Variants in ZSCAN25 observed in about 807,000 individuals in gnomAD.
ZSCAN25 encodes zinc finger and SCAN domain containing 25, also known as zinc finger and SCAN domain-containing protein 25.
Under a neutral mutation model 38.7 loss-of-function variants are expected in ZSCAN25, and 27 were observed. The observed-to-expected ratio is 0.70, with a 90% CI of 0.51 to 0.96. ZSCAN25 has a LOEUF of 0.96. Ranked by LOEUF, ZSCAN25 falls within the 40% of genes least tolerant of loss-of-function variation. ZSCAN25 has a pLI of 0.00. For missense variants in ZSCAN25, 637 were observed against 705.9 expected, an observed-to-expected ratio of 0.90 and a Z score of 1.11; for synonymous variants, 273 against 277.7, an observed-to-expected ratio of 0.98 and a Z score of 0.17.
At chr7:99,705,651 T>A in the ZSCAN25 span, 1 of 1,598,758 alleles carries the variant, frequency 6.3e-7, no homozygotes, top group Admixed American at 1.7e-5. Flanking sequence ...AAGTAGAAAG[T>A]ATAGCATCAA....
the ZSCAN25 span, among the ~76,000 whole-genome samples, chr7:99,676,907 G>A: frequency 6.6e-6 from 1 of 152,082 alleles, no homozygotes; most frequent in Non-Finnish European, 1.5e-5. Context: ...CAGATGATCT[G>A]GTTGATTTGA....
the ZSCAN25 span, among the ~76,000 whole-genome samples, chr7:99,690,605 AAAC>A: frequency 3.3e-5 from 5 of 152,092 alleles, no homozygotes; most frequent in Non-Finnish European, 5.9e-5. Flanking sequence ...TACAAGAAAA[AAAC>A]AACCCCATCA....
At position 99,631,369 on chromosome 7, in the gene ZSCAN25, T is replaced by G. The variant is rs1045199000; in HGVS notation, c.*1349T>G. 1 of 985,310 alleles carries G rather than the reference T, an allele frequency of 1.0e-6. No individual in the cohort carries two copies. The highest frequency in any genetic ancestry group is 1.2e-6 in the Non-Finnish European group (1 of 829,838). The allele number at this position is 985,310 out of a possible 1,614,324, so 61.0% of individuals were successfully genotyped here. A position where few individuals can be genotyped will look rare whatever the true frequency, so the allele number is the denominator to read the frequency against. On this transcript the variant is annotated 3_prime_UTR_variant, in exon 8 of 8. Coordinates refer to ENST00000394152, the MANE Select transcript of ZSCAN25 (RefSeq NM_145115.3). ...TGTAGGCATTAAAAAAAAATACATT[T>G]CTTTAAAAATGAGAAGATGCAATAT...
At chr7:99,699,422 G>C in the ZSCAN25 span, among the ~76,000 whole-genome samples, 4 of 152,244 alleles carry the variant, frequency 2.6e-5, no homozygotes, top group East Asian at 7.7e-4. Context: ...TGAAGTCTTG[G>C]TGTTCCCCGG....
the ZSCAN25 span, among the ~76,000 whole-genome samples, chr7:99,669,096 A>G: frequency 8.5e-5 from 13 of 152,348 alleles, no homozygotes; most frequent in Admixed American, 3.3e-4. Context: ...TAATTCCAGA[A>G]TGGCTTCCAC....
At position 99,630,467 on chromosome 7, in the gene ZSCAN25, A is replaced by G; in HGVS notation, c.*447A>G. ...ACAAACATTTATTGAACATCCTCTG[A>G]GCACCTGGCCGTGGGAATGCCGTGG... On this transcript the variant is annotated 3_prime_UTR_variant, in exon 8 of 8. Transcript: ENST00000394152. The G allele has an allele frequency of 1.0e-6, 1 of 997,942 alleles. No homozygotes were observed. The highest frequency in any genetic ancestry group is 1.2e-6 in the Non-Finnish European group (1 of 837,998). 61.8% of individuals were successfully genotyped at this position (997,942 alleles called of 1,614,324 possible). A position where few individuals can be genotyped will look rare whatever the true frequency, so the allele number is the denominator to read the frequency against.
chr7:99,680,095 C>A, the ZSCAN25 span: 11 of 577,694 alleles, frequency 1.9e-5, no homozygotes, highest in Non-Finnish European at 3.4e-5. Context: ...CCTTTGCTGA[C>A]CTCTTTTGAG....
the ZSCAN25 span, chr7:99,699,931 T>C: frequency 6.8e-7 from 1 of 1,461,126 alleles, no homozygotes; most frequent in African/African-American, 1.4e-5. Flanking sequence ...AAGTCCAAGT[T>C]AACAGAGGAG....
the ZSCAN25 span, among the ~76,000 whole-genome samples, chr7:99,689,778 C>T: frequency 6.6e-6 from 1 of 152,138 alleles, no homozygotes; most frequent in Admixed American, 6.5e-5. Context: ...AATTACAAAC[C>T]ACTGCTCAAT....
chr7:99,728,224 C>T, the ZSCAN25 span, among the ~76,000 whole-genome samples: 22 of 152,304 alleles, frequency 1.4e-4, no homozygotes, highest in African/African-American at 5.3e-4. Flanking sequence ...ATTTCATGAC[C>T]TCTTCCATGT....
the ZSCAN25 span, among the ~76,000 whole-genome samples, chr7:99,669,629 T>G: frequency 5.3e-5 from 8 of 152,270 alleles, no homozygotes; most frequent in South Asian, 1.2e-3. Context: ...AATTTAAAAT[T>G]TTATGCTTTG....
the ZSCAN25 span, among the ~76,000 whole-genome samples, chr7:99,700,313 T>TA: frequency 2.6e-5 from 4 of 152,316 alleles, no homozygotes; most frequent in Admixed American, 6.5e-5. Flanking sequence ...CCTGAGTTCT[T>TA]ATCAGAAACT....
chr7:99,698,217 T>C, the ZSCAN25 span, among the ~76,000 whole-genome samples: 2 of 152,212 alleles, frequency 1.3e-5, no homozygotes. Context: ...ACCAGCATTG[T>C]CTAAGGCTAA....
the ZSCAN25 span, among the ~76,000 whole-genome samples, chr7:99,691,893 C>T: frequency 2.4e-4 from 36 of 152,188 alleles, no homozygotes; most frequent in Admixed American, 5.9e-4. Flanking sequence ...AGCCCATTTA[C>T]ATTTAAGGTT....
the ZSCAN25 span, among the ~76,000 whole-genome samples, chr7:99,687,968 T>C: frequency 9.2e-5 from 14 of 152,086 alleles, no homozygotes; most frequent in Non-Finnish European, 1.5e-5. Context: ...GACAAGCAAA[T>C]GCTGAGAGAT....
the ZSCAN25 span, among the ~76,000 whole-genome samples, chr7:99,700,453 T>C: frequency 6.6e-6 from 1 of 152,076 alleles, no homozygotes; most frequent in Non-Finnish European, 1.5e-5. Context: ...ACCCATGCAA[T>C]TCCCTCTGCC....
the ZSCAN25 span, among the ~76,000 whole-genome samples, chr7:99,650,433 T>C: frequency 6.6e-6 from 1 of 152,210 alleles, no homozygotes; most frequent in African/African-American, 2.4e-5. Flanking sequence ...AAATTCTCCA[T>C]ACCCTATAGG....
At chr7:99,687,397 C>T in the ZSCAN25 span, among the ~76,000 whole-genome samples, 3 of 151,990 alleles carry the variant, frequency 2.0e-5, no homozygotes, top group African/African-American at 4.8e-5. Flanking sequence ...GGAGCTGATG[C>T]GATCAACTGG....
At chr7:99,679,779 A>G in the ZSCAN25 span, 5 of 1,581,494 alleles carry the variant, frequency 3.2e-6, no homozygotes, top group Non-Finnish European at 4.3e-6. Context: ...CCCGATTAGC[A>G]CCCCAAGTCC....
Sources: allele counts gnomAD v4.1 joint callset (sites outside exome capture counted in the v4.1 genomes callset), GRCh38; gene constraint gnomAD v4.1.1; transcripts MANE v1.5; gene names NCBI Gene and HGNC (gene_info 2026-07-23, HGNC 2026-07-21).